The following TKFC variants were observed in gnomAD, a reference collection of about 807,000 sequenced individuals.
TKFC encodes triokinase and FMN cyclase.
A neutral mutation model predicts 61.0 loss-of-function variants in TKFC; 46 were observed. The observed-to-expected ratio is 0.75, with a 90% CI of 0.60 to 0.96. The LOEUF (loss-of-function observed/expected upper bound fraction) is 0.96, where lower values mean the gene tolerates loss of function less well. Ranked by LOEUF, TKFC falls within the 50% of genes least tolerant of loss-of-function variation. The pLI, the probability that TKFC is intolerant of heterozygous loss-of-function variation, is 0.00. For missense variants in TKFC, 715 were observed against 777.5 expected (o/e 0.92, Z 0.96); for synonymous variants, 314 against 330.1 (o/e 0.95, Z 0.53).
intron 7 of TKFC, 50 bp downstream of exon 7, chr11:61,341,962 C>T (rs1856875089): frequency 1.3e-6 from 2 of 1,547,306 alleles, no homozygotes; most frequent in Non-Finnish European, 1.8e-6. Context: ...TGGCCCTGGA[C>T]TTTGCCCACC....
downstream of TKFC, chr11:61,350,764 G>A (rs1352741021): frequency 2.1e-5 from 13 of 629,022 alleles, no homozygotes; most frequent in East Asian, 3.8e-4. Flanking sequence ...ATTTGGGGGG[G>A]AAATTCTGTC....
chr11:61,337,848 G>A (rs757083833), intron 2 of TKFC, 93 bp from the exon 3 acceptor site: 26 of 1,258,968 alleles, frequency 2.1e-5, no homozygotes, highest in East Asian at 1.0e-4. Flanking sequence ...GGTGGATGCG[G>A]GAGAGGGGTC....
chr11:61,337,139 C>T (rs529016989), intron 2 of TKFC, among the ~76,000 whole-genome samples: 1 of 152,294 alleles, frequency 6.6e-6, no homozygotes, highest in South Asian at 2.1e-4. Flanking sequence ...GCAGGAACAG[C>T]ATTGTTATCT....
chr11:61,342,742 T>C lies in TKFC; in HGVS notation c.776-13T>C. ...CCAGAGGGTCTCACCTGGGGTGTCA[T>C]GTCTACCCGCAGGCTCCTCAGTTGT... On this transcript the variant is annotated splice_polypyrimidine_tract_variant and intron_variant, in intron 9 of 17. Coordinates refer to ENST00000394900, the MANE Select transcript of TKFC (RefSeq NM_015533.4). The C allele has an allele frequency of 6.2e-7, 1 of 1,613,966 alleles. No homozygotes were observed. The highest frequency in any genetic ancestry group is 8.5e-7 in the Non-Finnish European group (1 of 1,180,004).
chr11:61,345,384 G>A lies in TKFC; in HGVS notation c.1347+18G>A, dbSNP rs1392277041. On this transcript the variant is annotated intron_variant, in intron 14 of 17. Transcript: ENST00000394900. ...CTGGGGCGGTGGGTGCCTGGGGGCT[G>A]AAGGGCTGACAGGGAGGTGGCTGGG... 1.3e-6 allele frequency: 2 copies of A among 1,599,118 alleles called. No homozygotes were observed. The highest frequency in any genetic ancestry group is 1.1e-5 in the South Asian group (1 of 90,410).
chr11:61,347,399 A>C lies in TKFC; in HGVS notation c.*896A>C. The C allele has an allele frequency of 2.3e-6, 2 of 870,226 alleles. No homozygotes were observed. The highest frequency in any genetic ancestry group is 2.8e-6 in the Non-Finnish European group (2 of 725,020). The allele number at this position is 870,226 out of a possible 1,614,324, so 53.9% of individuals were successfully genotyped here. The stretch of plus-strand genomic sequence containing the variant: ...TCTACCAAAAAATACAAAATTAGCC[A>C]GGCATAGTAGTGTGTGCCTATAGTC... On this transcript the variant is annotated 3_prime_UTR_variant, in exon 18 of 18. Transcript: ENST00000394900.
At chr11:61,344,640 AG>A (rs980575805) in intron 13 of TKFC, among the ~76,000 whole-genome samples, 17 of 152,290 alleles carry the variant, frequency 1.1e-4, no homozygotes, top group African/African-American at 3.4e-4. Context: ...CTGAGATTAC[AG>A]GCATGAGCCA....
At chr11:61,342,246 G>A (rs1856888332) in intron 7 of TKFC, 1 of 647,896 alleles carries the variant, frequency 1.5e-6, no homozygotes, top group Non-Finnish European at 2.7e-6. Flanking sequence ...CCTCGCCTGT[G>A]CTTCCTCCTT....
At chr11:61,350,324 C>T, downstream of TKFC, 1 of 1,565,758 alleles carries the variant, frequency 6.4e-7, no homozygotes, top group African/African-American at 1.3e-5. Flanking sequence ...AGCCGGGAGC[C>T]CTGGGAAGAG....
At chr11:61,353,266 G>C, downstream of TKFC, 1 of 1,226,354 alleles carries the variant, frequency 8.2e-7, no homozygotes, top group Non-Finnish European at 1.1e-6. Context: ...TTCCCACCTG[G>C]CATTGCCCAC....
At position 61,347,203 on chromosome 11, in the gene TKFC, G is replaced by A. The variant is rs1047959902; in HGVS notation, c.*700G>A. ...AGTCGAATGGGCATTTGGGACACCAGAAGGAAAAGAAATCATCATAGTCTA... is the reference window on the plus strand; with the variant it reads ...AGTCGAATGGGCATTTGGGACACCAAAAGGAAAAGAAATCATCATAGTCTA... On this transcript the variant is annotated 3_prime_UTR_variant, in exon 18 of 18. Transcript: ENST00000394900. 1.0e-6 allele frequency: 1 copy of A among 985,442 alleles called. No homozygotes were observed. Among genetic ancestry groups the A allele is most frequent in the Middle Eastern group, 5.2e-4 (1 of 1,914 alleles). 61.0% of individuals were successfully genotyped at this position (985,442 alleles called of 1,614,324 possible). A position where few individuals can be genotyped will look rare whatever the true frequency, so the allele number is the denominator to read the frequency against.
chr11:61,341,319 T>C, intron 5 of TKFC, 117 bp from the exon 6 acceptor site: 1 of 1,105,022 alleles, frequency 9.0e-7, no homozygotes, highest in Non-Finnish European at 1.3e-6. Flanking sequence ...CCAGGTTGAG[T>C]GTGAAAATCC....
Position 61,346,015 on chromosome 11 carries a change from A to G in TKFC, c.1575+69A>G. ...GCCAGCAGACTCCTGTCTCCATGTG[A>G]CCCTGAGCAAGTTAATAACCTTCCT... On this transcript the variant is annotated intron_variant, in intron 17 of 17. Transcript: ENST00000394900. The surrounding 1 kb of genome is among the most constrained non-coding windows in gnomAD (Gnocchi z 4.1). 15 of 1,512,594 alleles carry G rather than the reference A, an allele frequency of 9.9e-6. No individual in the cohort carries two copies. The South Asian group carries it at 1.7e-4, about 17-fold the overall frequency. The allele number at this position is 1,512,594 out of a possible 1,614,324, so 93.7% of individuals were successfully genotyped here.
At chr11:61,343,244 A>C in intron 10 of TKFC, 98 bp from the exon 11 acceptor site, 1 of 1,132,036 alleles carries the variant, frequency 8.8e-7, no homozygotes, top group South Asian at 1.4e-5. Flanking sequence ...CTCCCTCCCG[A>C]CCTCAGAGCC....
downstream of TKFC, chr11:61,349,905 C>T (rs969922892): frequency 1.5e-5 from 8 of 519,120 alleles, no homozygotes; most frequent in South Asian, 6.2e-5. Flanking sequence ...ACCTCACCTC[C>T]CTCATGTTTC....
chr11:61,339,701 C>A (rs1020757369), intron 5 of TKFC, among the ~76,000 whole-genome samples: 4 of 152,184 alleles, frequency 2.6e-5, no homozygotes, highest in Admixed American at 6.5e-5. Context: ...CAACACACAT[C>A]CTTCTCAGAC....
rs1230826993 is a variant in TKFC, at chr11:61,347,646, G to A, written c.*1143G>A. On this transcript the variant is annotated 3_prime_UTR_variant, in exon 18 of 18. Transcript: ENST00000394900. ...GTGAGCAGGGGCACTGTATGCATGT[G>A]GAGACAAACAGCACATGCCTGGCAC... The A allele has an allele frequency of 1.0e-6, 1 of 985,276 alleles. No homozygotes were observed. The highest frequency in any genetic ancestry group is 1.7e-5 in the African/African-American group (1 of 57,202). The allele number at this position is 985,276 out of a possible 1,614,324, so 61.0% of individuals were successfully genotyped here.
chr11:61,345,989 A>T (rs1456543349), intron 17 of TKFC, 43 bp downstream of exon 17: 1 of 1,590,782 alleles, frequency 6.3e-7, no homozygotes, highest in African/African-American at 1.3e-5. Context: ...ACAGGCTTCT[A>T]GCCAGCAGAC....
chr11:61,338,323 C>A (rs894715237), intron 3 of TKFC, among the ~76,000 whole-genome samples, 193 bp downstream of exon 3: 1 of 152,214 alleles, frequency 6.6e-6, no homozygotes, highest in Non-Finnish European at 1.5e-5. Flanking sequence ...TCTACATCTA[C>A]AAATCTACGA....
Sources: gnomAD v4.1 joint callset for allele counts (sites outside exome capture counted in the v4.1 genomes callset) on GRCh38, gnomAD v4.1.1 for gene constraint, Gnocchi (gnomAD v3.1) non-coding constraint, MANE v1.5 for transcripts, NCBI Gene and HGNC (gene_info 2026-07-23, HGNC 2026-07-21) for gene names.